IDO2: variants seen among roughly 807,000 people sequenced by gnomAD.
IDO2 encodes the protein indoleamine 2,3-dioxygenase-like 1 protein.
Under a neutral mutation model 45.1 loss-of-function variants are expected in IDO2, and 46 were observed. That is an observed-to-expected ratio of 1.02 (90% CI 0.80 to 1.30). The LOEUF (loss-of-function observed/expected upper bound fraction) is 1.30. Ranked by LOEUF, IDO2 falls within the 50% of genes most tolerant of loss-of-function variation. IDO2 has a pLI of 0.00. For missense variants in IDO2, 544 were observed against 491.8 expected, an observed-to-expected ratio of 1.11 and a Z score of -1.00; for synonymous variants, 218 against 184.9, an observed-to-expected ratio of 1.18 and a Z score of -1.45.
intron 3 of IDO2, among the ~76,000 whole-genome samples, chr8:39,977,442 G>A (rs1330116058): frequency 2.0e-5 from 3 of 152,236 alleles, no homozygotes; most frequent in Non-Finnish European, 4.4e-5. Flanking sequence ...GGGAGGCCAA[G>A]GCGGGAGGAT....
intron 5 of IDO2, chr8:39,984,825 C>A (rs1480191166): frequency 1.1e-5 from 4 of 369,624 alleles, no homozygotes; most frequent in African/African-American, 4.4e-5. Flanking sequence ...TGAGGCAGAA[C>A]TTGATGTAAG....
chr8:40,016,049 A>T (rs559856990), exon 11 of IDO2: 25 of 392,754 alleles, frequency 6.4e-5, no homozygotes, highest in Non-Finnish European at 9.4e-5. Flanking sequence ...GTGGTCCCAG[A>T]CCAGCCCTCT....
chr8:39,976,123 G>T (rs756797100), intron 3 of IDO2, among the ~76,000 whole-genome samples: 1 of 152,062 alleles, frequency 6.6e-6, no homozygotes, highest in Non-Finnish European at 1.5e-5. Context: ...GGGACTACAG[G>T]TGTGCACCAC....
chr8:39,954,230 T>C (rs1197151777), intron 2 of IDO2, among the ~76,000 whole-genome samples: 1 of 152,236 alleles, frequency 6.6e-6, no homozygotes, highest in African/African-American at 2.4e-5. Context: ...AGTGATTCTA[T>C]GCACTTTTGC....
exon 2 of IDO2, chr8:39,949,223 C>A: frequency 2.5e-6 from 4 of 1,605,472 alleles, no homozygotes; most frequent in Non-Finnish European, 3.4e-6. Flanking sequence ...GGAAAGCTAT[C>A]ACATATCTGA....
At chr8:39,957,593 C>A (rs773332466) in intron 2 of IDO2, among the ~76,000 whole-genome samples, 4 of 152,274 alleles carry the variant, frequency 2.6e-5, no homozygotes, top group Non-Finnish European at 5.9e-5. Context: ...GTGTGGGTGA[C>A]AGAGTGAGAT....
chr8:39,985,726 A>C (rs1808412738), intron 6 of IDO2: 6 of 552,676 alleles, frequency 1.1e-5, no homozygotes, highest in Admixed American at 1.0e-4. Context: ...TGTATAGATA[A>C]GGGATTTTTT....
chr8:40,007,427 A>G (rs554912056), intron 9 of IDO2, among the ~76,000 whole-genome samples: 1 of 152,222 alleles, frequency 6.6e-6, no homozygotes, highest in African/African-American at 2.4e-5. Context: ...GAAGGTTTCC[A>G]AGATTGAGAG....
At chr8:39,963,733 T>C (rs139954549) in intron 3 of IDO2, 30 bp downstream of exon 3, 282 of 1,278,694 alleles carry the variant, frequency 2.2e-4, no homozygotes, top group Middle Eastern at 1.7e-3. Context: ...CTCATCACAT[T>C]CTGTTTTCAT....
intron 8 of IDO2, chr8:39,998,262 A>G (rs921590705): frequency 2.6e-5 from 4 of 152,258 alleles, no homozygotes; most frequent in Admixed American, 1.3e-4. Flanking sequence ...GAGATATGGC[A>G]TGTTTCATTA....
intron 1 of IDO2, among the ~76,000 whole-genome samples, chr8:39,938,047 A>T (rs1807585035): frequency 6.6e-6 from 1 of 152,210 alleles, no homozygotes; most frequent in Non-Finnish European, 1.5e-5. Flanking sequence ...ACATGTTAAG[A>T]ACTATGGAAA....
intron 8 of IDO2, among the ~76,000 whole-genome samples, chr8:39,996,975 C>A (rs1462295203): frequency 6.6e-6 from 1 of 151,190 alleles, no homozygotes; most frequent in African/African-American, 2.4e-5. Context: ...ACAATATTTT[C>A]TTCTGCATTC....
At chr8:40,007,272 A>G (rs1802238308) in intron 9 of IDO2, among the ~76,000 whole-genome samples, 2 of 151,932 alleles carry the variant, frequency 1.3e-5, no homozygotes, top group South Asian at 4.2e-4. Context: ...ACTATATTAC[A>G]TTGGTGCAAG....
At chr8:39,976,761 A>G (rs553510566) in intron 3 of IDO2, among the ~76,000 whole-genome samples, 2 of 152,298 alleles carry the variant, frequency 1.3e-5, no homozygotes, top group East Asian at 3.9e-4. Flanking sequence ...ATGTTAGCTG[A>G]GTAGCATTAA....
chr8:40,007,431 T>C (rs1802240364), intron 9 of IDO2, among the ~76,000 whole-genome samples: 1 of 151,840 alleles, frequency 6.6e-6, no homozygotes, highest in African/African-American at 2.4e-5. Flanking sequence ...GTTTCCAAGA[T>C]TGAGAGTAAT....
At chr8:39,985,549 C>T (rs768841243) in intron 6 of IDO2, 27 bp downstream of exon 6, 1 of 1,548,196 alleles carries the variant, frequency 6.5e-7, no homozygotes, top group South Asian at 1.2e-5. Context: ...CATTTACGCA[C>T]TTTAGAATCC....
chr8:39,991,950 G>T (rs148240995), intron 8 of IDO2, among the ~76,000 whole-genome samples: 4 of 152,210 alleles, frequency 2.6e-5, no homozygotes, highest in Non-Finnish European at 4.4e-5. Context: ...GTCTAAGGAG[G>T]TCCCAGGGCT....
At chr8:39,939,615 G>A (rs1325199832) in intron 1 of IDO2, among the ~76,000 whole-genome samples, 1 of 145,856 alleles carries the variant, frequency 6.9e-6, no homozygotes, top group African/African-American at 2.5e-5. Flanking sequence ...CGTGATTGCA[G>A]TCTTTACGTA....
intron 2 of IDO2, 53 bp downstream of exon 2, chr8:39,949,317 G>C: frequency 1.4e-6 from 2 of 1,403,804 alleles, no homozygotes; most frequent in Non-Finnish European, 1.9e-6. Flanking sequence ...TTGAGATGTT[G>C]GTTGGTTTGT....
Sources: gnomAD v4.1 joint callset for allele counts (sites outside exome capture counted in the v4.1 genomes callset) on GRCh38, gnomAD v4.1.1 for gene constraint, MANE v1.5 for transcripts, NCBI Gene and HGNC (gene_info 2026-07-23, HGNC 2026-07-21) for gene names.